CADM2: variants seen among roughly 807,000 people sequenced by gnomAD.
CADM2 encodes the protein immunoglobulin superfamily member 4D.
CADM2 carries 12 observed loss-of-function variants against 49.8 expected under a neutral mutation model. The observed-to-expected ratio is 0.24, with a 90% CI of 0.15 to 0.39. CADM2 has a LOEUF of 0.39. Ranked by LOEUF, CADM2 falls within the 10% of genes least tolerant of loss-of-function variation. The pLI, the probability that CADM2 is intolerant of heterozygous loss-of-function variation, is 1.00. For synonymous variants in CADM2, 214 were observed against 175.4 expected (o/e 1.22, Z -1.74); for missense variants, 378 against 492.3 (o/e 0.77, Z 2.20).
chr3:85,833,663 G>GCCCT (rs2074281758), intron 3 of CADM2, among the ~76,000 whole-genome samples: 1 of 151,482 alleles, frequency 6.6e-6, no homozygotes. Flanking sequence ...TATTCTTGGT[G>GCCCT]CCCTTGTCAA....
intron 1 of CADM2, among the ~76,000 whole-genome samples, chr3:85,223,391 A>C (rs1226578781): frequency 6.6e-6 from 1 of 152,164 alleles, no homozygotes; most frequent in Non-Finnish European, 1.5e-5. Context: ...TCTGTAACTT[A>C]ATAATCATTC....
At chr3:85,118,508 G>T (rs2038729430) in intron 1 of CADM2, among the ~76,000 whole-genome samples, 1 of 152,022 alleles carries the variant, frequency 6.6e-6, no homozygotes, top group South Asian at 2.1e-4. Context: ...GCCTGTGCAG[G>T]GGAACTCCCC....
intron 1 of CADM2, among the ~76,000 whole-genome samples, chr3:85,000,812 T>C (rs903897540): frequency 5.3e-5 from 8 of 152,102 alleles, no homozygotes; most frequent in African/African-American, 1.4e-4. Context: ...CAAATACATA[T>C]ATGTGCCTAT....
At chr3:85,748,047 A>G (rs2068691002) in intron 2 of CADM2, among the ~76,000 whole-genome samples, 1 of 152,122 alleles carries the variant, frequency 6.6e-6, no homozygotes, top group African/African-American at 2.4e-5. Flanking sequence ...TTATAATATA[A>G]AACATCCTTT....
Position 84,959,601 on chromosome 3 carries a change from A to C in CADM2, c.-7A>C. 6.5e-7 allele frequency: 1 copy of C among 1,537,012 alleles called. No homozygotes were observed. Among genetic ancestry groups the C allele is most frequent in the East Asian group, 2.4e-5 (1 of 40,856 alleles). ...CGTTCCTTCCCCAGCCCTTTAGAGA[A>C]GGGACCATGATTTGGAAACGCAGCG... On this transcript the variant is annotated 5_prime_UTR_variant, in exon 1 of 10. Transcript: ENST00000383699.
intron 1 of CADM2, among the ~76,000 whole-genome samples, chr3:85,171,194 A>G (rs2040615996): frequency 6.6e-6 from 1 of 152,206 alleles, no homozygotes; most frequent in Non-Finnish European, 1.5e-5. Context: ...TATGGTATTC[A>G]TTGAAGAGTT....
At chr3:85,371,619 C>CTGTGTG (rs71108284) in intron 1 of CADM2, among the ~76,000 whole-genome samples, 63,992 of 124,272 alleles carry the variant, frequency 0.51, 19,600 homozygotes, top group East Asian at 0.78. Context: ...CCACACATCA[C>CTGTGTG]TGTGTGTGTG....
In CADM2 at chr3:86,054,781, C is replaced by A. The variant is rs528550693; in HGVS notation, c.971-10824C>A. Among the ~76,000 whole-genome samples the A allele has an allele frequency of 1.9e-3, 293 of 151,962 alleles. 1 individual carries two copies. Among genetic ancestry groups the A allele is most frequent in the African/African-American group, 6.5e-3 (269 of 41,462 alleles). ...ACTCTTAGGCGAAAATAATTGCATA[C>A]AATATACTTAACCTCCATTCTGCTT... On this transcript the variant is annotated intron_variant, in intron 8 of 9. Transcript: ENST00000383699.
chr3:85,494,349 A>T (rs938423908), intron 1 of CADM2, among the ~76,000 whole-genome samples: 2 of 152,142 alleles, frequency 1.3e-5, no homozygotes, highest in African/African-American at 4.8e-5. Context: ...GCTTTATGCC[A>T]ATTATTATTT....
chr3:85,555,138 G>A (rs1233697238), intron 1 of CADM2, among the ~76,000 whole-genome samples: 9 of 152,094 alleles, frequency 5.9e-5, no homozygotes, highest in Admixed American at 5.9e-4. Flanking sequence ...ATGTAGTTAG[G>A]GCACGTCATT....
chr3:86,020,940 C>T (rs892843264), intron 8 of CADM2, among the ~76,000 whole-genome samples: 2 of 152,070 alleles, frequency 1.3e-5, no homozygotes, highest in African/African-American at 4.8e-5. Flanking sequence ...GACAGGGATG[C>T]CTTCTCTCAC....
At chr3:85,681,542 G>A (rs1209497428) in intron 1 of CADM2, among the ~76,000 whole-genome samples, 1 of 151,972 alleles carries the variant, frequency 6.6e-6, no homozygotes, top group Non-Finnish European at 1.5e-5. Context: ...ATATGTGAAT[G>A]AGAGGCACTG....
chr3:85,705,026 A>T (rs1204917849), intron 1 of CADM2, among the ~76,000 whole-genome samples: 4 of 131,882 alleles, frequency 3.0e-5, no homozygotes, highest in Admixed American at 7.6e-5. Flanking sequence ...GCCTGGCTAA[A>T]TTTTTTTTTT....
chr3:85,856,852 GT>G (rs1425524367), intron 3 of CADM2, among the ~76,000 whole-genome samples: 2 of 152,100 alleles, frequency 1.3e-5, no homozygotes, highest in East Asian at 3.8e-4. Context: ...TAAGTAAAAA[GT>G]TATTTTCTCC....
At chr3:85,397,791 G>A (rs900380101) in intron 1 of CADM2, among the ~76,000 whole-genome samples, 2 of 152,108 alleles carry the variant, frequency 1.3e-5, no homozygotes, top group African/African-American at 4.8e-5. Context: ...GATGGAATAA[G>A]TTCTGAAAAT....
chr3:85,279,172 A>T (rs2043435861), intron 1 of CADM2, among the ~76,000 whole-genome samples: 1 of 151,420 alleles, frequency 6.6e-6, no homozygotes, highest in African/African-American at 2.4e-5. Flanking sequence ...TGTAGTATTA[A>T]TCTCTGCCAC....
At chr3:86,041,941 A>C (rs1437137184) in intron 8 of CADM2, among the ~76,000 whole-genome samples, 3 of 152,218 alleles carry the variant, frequency 2.0e-5, no homozygotes, top group Non-Finnish European at 2.9e-5. Context: ...AAACCGCTCA[A>C]CTACGTGGAA....
At chr3:85,685,581 G>T (rs150401840) in intron 1 of CADM2, among the ~76,000 whole-genome samples, 9 of 143,962 alleles carry the variant, frequency 6.3e-5, no homozygotes, top group African/African-American at 2.0e-4. Context: ...TAAATACACT[G>T]TACAATTGAA....
At chr3:85,425,852 G>A (rs2036378104) in intron 1 of CADM2, among the ~76,000 whole-genome samples, 1 of 152,194 alleles carries the variant, frequency 6.6e-6, no homozygotes, top group Non-Finnish European at 1.5e-5. Flanking sequence ...ATATTTATTG[G>A]TAATCCAACA....
Sources: gnomAD v4.1 joint callset for allele counts (sites outside exome capture counted in the v4.1 genomes callset) on GRCh38, gnomAD v4.1.1 for gene constraint, MANE v1.5 for transcripts, NCBI Gene and HGNC (gene_info 2026-07-23, HGNC 2026-07-21) for gene names.